The following ARHGAP26 variants were observed in gnomAD, a reference collection of about 807,000 sequenced individuals.
ARHGAP26 encodes the protein rho GTPase-activating protein 26.
In ARHGAP26, 38 loss-of-function variants were observed where a neutral mutation model predicts 104.8. The observed-to-expected ratio is 0.36, with a 90% CI of 0.28 to 0.48. ARHGAP26 has a LOEUF of 0.48. Ranked by LOEUF, ARHGAP26 falls within the 20% of genes least tolerant of loss-of-function variation. The probability of loss-of-function intolerance (pLI) is 0.99; values close to 1 mark genes in which losing one functional copy is unlikely to be tolerated. For missense variants in ARHGAP26, 704 were observed against 947.9 expected (o/e 0.74, Z 3.38); for synonymous variants, 341 against 340.0 (o/e 1.00, Z -0.03).
intron 10 of ARHGAP26, among the ~76,000 whole-genome samples, chr5:142,927,678 T>C (rs1011694196): frequency 2.0e-5 from 3 of 152,238 alleles, no homozygotes; most frequent in Admixed American, 2.0e-4. Context: ...TCATTTCTCT[T>C]GAGTATATAT....
At chr5:143,189,481 TA>T (rs1805601145) in intron 20 of ARHGAP26, among the ~76,000 whole-genome samples, 1 of 152,196 alleles carries the variant, frequency 6.6e-6, no homozygotes, top group South Asian at 2.1e-4. Flanking sequence ...GTTGATTTCA[TA>T]GCTCTTAATA....
chr5:143,032,853 G>T (rs575208908), intron 12 of ARHGAP26, among the ~76,000 whole-genome samples: 2 of 152,226 alleles, frequency 1.3e-5, no homozygotes, highest in Admixed American at 6.5e-5. Flanking sequence ...ACATGTGTGT[G>T]TGTGAAAAAG....
At chr5:143,209,607 C>T (rs1809114541) in intron 21 of ARHGAP26, among the ~76,000 whole-genome samples, 1 of 151,988 alleles carries the variant, frequency 6.6e-6, no homozygotes, top group Admixed American at 6.6e-5. Context: ...GTGACAAAAC[C>T]CCATCTCTAC....
intron 19 of ARHGAP26, among the ~76,000 whole-genome samples, chr5:143,146,815 T>G (rs924374308): frequency 2.6e-5 from 4 of 152,162 alleles, no homozygotes; most frequent in African/African-American, 7.2e-5. Context: ...AGAGCAATAT[T>G]AGAGGCAGGA....
chr5:143,155,519 T>G (rs1226570273), intron 20 of ARHGAP26, among the ~76,000 whole-genome samples: 1 of 152,218 alleles, frequency 6.6e-6, no homozygotes, highest in African/African-American at 2.4e-5. Flanking sequence ...TGGTTCTTCT[T>G]TTTTAAAATA....
chr5:142,797,312 C>A (rs1433833778), intron 1 of ARHGAP26, among the ~76,000 whole-genome samples: 1 of 152,108 alleles, frequency 6.6e-6, no homozygotes, highest in African/African-American at 2.4e-5. Context: ...GTTGATTGAG[C>A]CAGTGTTTTT....
At chr5:142,901,186 A>T (rs564999228) in intron 6 of ARHGAP26, among the ~76,000 whole-genome samples, 16 of 152,146 alleles carry the variant, frequency 1.1e-4, no homozygotes, top group Non-Finnish European at 1.6e-4. Context: ...ATAGTTTTTA[A>T]GTATATGAAG....
At chr5:142,802,998 C>T (rs1377383012) in intron 1 of ARHGAP26, among the ~76,000 whole-genome samples, 1 of 152,180 alleles carries the variant, frequency 6.6e-6, no homozygotes, top group Non-Finnish European at 1.5e-5. Context: ...AACTGAAGTT[C>T]CAGTGTGTAG....
chr5:142,895,563 A>G (rs1759364736), intron 6 of ARHGAP26, among the ~76,000 whole-genome samples: 1 of 152,188 alleles, frequency 6.6e-6, no homozygotes, highest in Admixed American at 6.5e-5. Flanking sequence ...AAATAAGAAT[A>G]AAACTGTAAG....
intron 20 of ARHGAP26, chr5:143,192,625 C>G (rs1293297602): frequency 6.6e-6 from 1 of 152,228 alleles, no homozygotes; most frequent in South Asian, 2.1e-4. Flanking sequence ...CCCCTGGGGA[C>G]TTTGAAGGCA....
At chr5:142,980,050 C>T (rs1339855785) in intron 11 of ARHGAP26, among the ~76,000 whole-genome samples, 1 of 152,204 alleles carries the variant, frequency 6.6e-6, no homozygotes, top group Non-Finnish European at 1.5e-5. Flanking sequence ...TCAGTCAATA[C>T]CTTCCTCGCT....
intron 17 of ARHGAP26, among the ~76,000 whole-genome samples, chr5:143,108,470 A>G (rs572961329): frequency 1.0e-3 from 155 of 152,282 alleles, no homozygotes; most frequent in Admixed American, 2.0e-3. Context: ...CAAATATCCA[A>G]ACATAATCTA....
At chr5:143,122,667 G>A (rs1204493753) in intron 18 of ARHGAP26, among the ~76,000 whole-genome samples, 1 of 152,206 alleles carries the variant, frequency 6.6e-6, no homozygotes, top group Admixed American at 6.5e-5. Context: ...AGAACAAAAA[G>A]CAGATTAATT....
In ARHGAP26 at chr5:143,149,165, G is replaced by C. The variant is rs75211289; in HGVS notation, c.1988+1784G>C. ...CTTCACACCACCCAGAGGGACTGTT[G>C]CCTGCCTGGTACAGATCTGGGGGGC... On this transcript the variant is annotated intron_variant, in intron 20 of 22. Transcript: ENST00000645722. Among the ~76,000 whole-genome samples the C allele has an allele frequency of 7.0e-3, 1,071 of 152,212 alleles. 16 individuals are homozygous for C. Among genetic ancestry groups the C allele is most frequent in the African/African-American group, 0.024 (1,011 of 41,526 alleles).
chr5:142,966,326 A>G (rs1240089458), intron 11 of ARHGAP26, among the ~76,000 whole-genome samples: 2 of 152,072 alleles, frequency 1.3e-5, no homozygotes, highest in African/African-American at 2.4e-5. Context: ...ATAGGGTTCA[A>G]CTTTGTATTA....
Position 142,921,302 on chromosome 5 carries a change from G to T in ARHGAP26, c.1028+8009G>T, listed in dbSNP as rs149487547. On this transcript the variant is annotated intron_variant, in intron 10 of 22. Coordinates refer to ENST00000645722, the MANE Select transcript of ARHGAP26 (RefSeq NM_001135608.3). Reference sequence around the variant, plus strand: ...TCTAAATATCTGTCTCAGGTGATTTGCTTCCAGAGGCAGAAGAACATTTTA... The same window carrying T: ...TCTAAATATCTGTCTCAGGTGATTTTCTTCCAGAGGCAGAAGAACATTTTA... Among the ~76,000 whole-genome samples the T allele has an allele frequency of 1.4e-3, 216 of 152,296 alleles. 1 individual carries two copies. The highest frequency in any genetic ancestry group is 5.0e-3 in the African/African-American group (209 of 41,568).
At chr5:142,833,226 T>TG (rs551994123) in intron 1 of ARHGAP26, among the ~76,000 whole-genome samples, 6,188 of 149,294 alleles carry the variant, frequency 0.041, 124 homozygotes, top group South Asian at 0.083. Context: ...GCTAATTTTT[T>TG]TTTTTTTTTT....
intron 1 of ARHGAP26, among the ~76,000 whole-genome samples, chr5:142,849,123 A>AC (rs1386148855): frequency 3.3e-5 from 5 of 152,220 alleles, no homozygotes; most frequent in Admixed American, 2.0e-4. Context: ...CACAAACAAC[A>AC]CTTTAGAAGG....
intron 11 of ARHGAP26, among the ~76,000 whole-genome samples, chr5:142,956,600 A>T (rs1769287168): frequency 6.6e-6 from 1 of 152,160 alleles, no homozygotes; most frequent in Non-Finnish European, 1.5e-5. Context: ...ATAAAAAAGC[A>T]GGGCAAACAG....
Sources: gnomAD v4.1 joint callset for allele counts (sites outside exome capture counted in the v4.1 genomes callset) on GRCh38, gnomAD v4.1.1 for gene constraint, MANE v1.5 for transcripts, NCBI Gene and HGNC (gene_info 2026-07-23, HGNC 2026-07-21) for gene names.